CFAP299: variants seen among roughly 807,000 people sequenced by gnomAD.
CFAP299 encodes cilia- and flagella-associated protein 299.
In CFAP299, 21 loss-of-function variants were observed where a neutral mutation model predicts 27.0. That is an observed-to-expected ratio of 0.78 (90% confidence interval 0.55 to 1.12). The LOEUF is 1.12. Among genes scored for constraint, CFAP299 ranks in the 50% most tolerant of loss-of-function variants. The probability of loss-of-function intolerance (pLI) is 0.00; values close to 1 mark genes in which losing one functional copy is unlikely to be tolerated. For missense variants in CFAP299, 310 were observed against 276.6 expected (o/e 1.12, Z -0.86); for synonymous variants, 104 against 98.1 (o/e 1.06, Z -0.36).
At chr4:80,720,376 A>G (rs1480997546) in intron 3 of CFAP299, among the ~76,000 whole-genome samples, 1 of 152,212 alleles carries the variant, frequency 6.6e-6, no homozygotes, top group Non-Finnish European at 1.5e-5. Flanking sequence ...GTTTTACCTC[A>G]GCAATGGAGA....
chr4:80,387,871 G>T (rs568620628), intron 2 of CFAP299: 6 of 1,181,536 alleles, frequency 5.1e-6, no homozygotes, highest in Non-Finnish European at 7.6e-6. Flanking sequence ...CTTCAGCATT[G>T]GTGGAGAGTC....
At chr4:80,855,923 G>A (rs1269484926) in intron 3 of CFAP299, among the ~76,000 whole-genome samples, 1 of 151,870 alleles carries the variant, frequency 6.6e-6, no homozygotes, top group African/African-American at 2.4e-5. Flanking sequence ...TATATACCCA[G>A]TAATGGGATG....
At chr4:80,793,404 C>A (rs1727682450) in intron 3 of CFAP299, among the ~76,000 whole-genome samples, 1 of 152,030 alleles carries the variant, frequency 6.6e-6, no homozygotes, top group Non-Finnish European at 1.5e-5. Context: ...CTGCCTTTCC[C>A]AGCCCACTGA....
At chr4:80,496,361 G>A (rs1731439084) in intron 2 of CFAP299, among the ~76,000 whole-genome samples, 1 of 152,092 alleles carries the variant, frequency 6.6e-6, no homozygotes, top group African/African-American at 2.4e-5. Flanking sequence ...TTGTTCTTAG[G>A]TTCAAACTTC....
intron 3 of CFAP299, among the ~76,000 whole-genome samples, chr4:80,817,752 C>G (rs1249548075): frequency 6.6e-6 from 1 of 150,840 alleles, no homozygotes; most frequent in African/African-American, 2.4e-5. Flanking sequence ...TTCTCTTTAC[C>G]TTTTAGTTGT....
intron 2 of CFAP299, among the ~76,000 whole-genome samples, chr4:80,538,877 T>A (rs568791096): frequency 1.3e-5 from 2 of 152,312 alleles, no homozygotes; most frequent in East Asian, 3.9e-4. Context: ...GAATGCTACA[T>A]CTTCCCCAAC....
At chr4:80,869,299 A>G (rs1042685907) in intron 3 of CFAP299, among the ~76,000 whole-genome samples, 5 of 152,120 alleles carry the variant, frequency 3.3e-5, no homozygotes, top group Non-Finnish European at 5.9e-5. Flanking sequence ...CTCCTGCCAT[A>G]TCTGTAGGAT....
At position 80,583,086 on chromosome 4, in the gene CFAP299, T is replaced by C; in HGVS notation, c.243-7T>C. 1.3e-6 allele frequency: 2 copies of C among 1,589,014 alleles called. No homozygotes were observed. Among genetic ancestry groups the C allele is most frequent in the Non-Finnish European group, 1.7e-6 (2 of 1,163,894 alleles). On this transcript the variant is annotated splice_region_variant and splice_polypyrimidine_tract_variant and intron_variant, in intron 2 of 5. Transcript: ENST00000358105. ...ATATATTATAACTGAAGATCTGCCT[T>C]TTACAGGACGCTAACAAGTGCTGGT...
At chr4:80,756,112 C>T (rs544435994) in intron 3 of CFAP299, among the ~76,000 whole-genome samples, 6 of 152,170 alleles carry the variant, frequency 3.9e-5, no homozygotes, top group African/African-American at 1.4e-4. Context: ...TGGTGCCCAT[C>T]TTGAGTCACA....
chr4:80,386,312 G>T, intron 2 of CFAP299: 2 of 1,307,806 alleles, frequency 1.5e-6, no homozygotes, highest in Non-Finnish European at 1.1e-6. Flanking sequence ...CAGATTCTGT[G>T]CCCACCGCAC....
rs145008180 is a variant in CFAP299 at position 80,658,731 on chromosome 4, T to C, written c.333+75548T>C. On this transcript the variant is annotated intron_variant, in intron 3 of 5. Transcript: ENST00000358105. Reference sequence around the variant, plus strand: ...CAGATAGTAAGAATAGTGCTTATCATAACCATATCAATAGGGAAGTGTGAA... The same window carrying C: ...CAGATAGTAAGAATAGTGCTTATCACAACCATATCAATAGGGAAGTGTGAA... Among the ~76,000 whole-genome samples the C allele has an allele frequency of 5.0e-3, 768 of 152,226 alleles. 5 individuals are homozygous for C. The highest frequency in any genetic ancestry group is 0.02 in the Middle Eastern group (6 of 294).
chr4:80,523,166 A>G (rs1485095765), intron 2 of CFAP299, among the ~76,000 whole-genome samples: 3 of 152,064 alleles, frequency 2.0e-5, no homozygotes, highest in Admixed American at 6.6e-5. Flanking sequence ...TCTTTCAGCA[A>G]TATTTGTAGT....
intron 4 of CFAP299, chr4:80,870,457 C>G: frequency 9.9e-7 from 1 of 1,012,696 alleles, no homozygotes; most frequent in Non-Finnish European, 1.2e-6. Flanking sequence ...CCAGAAGCCT[C>G]AAGAACTGCT....
chr4:80,489,444 A>G (rs1021532839), intron 2 of CFAP299, among the ~76,000 whole-genome samples: 1 of 146,558 alleles, frequency 6.8e-6, no homozygotes, highest in Non-Finnish European at 1.5e-5. Context: ...TGAAGTTTCA[A>G]CTTTGGTTAG....
chr4:80,322,570 A>T, the CFAP299 span, among the ~76,000 whole-genome samples: 3 of 152,096 alleles, frequency 2.0e-5, no homozygotes, highest in Admixed American at 2.0e-4. Flanking sequence ...ATATAAACAG[A>T]TTACAAGAAA....
intron 4 of CFAP299, among the ~76,000 whole-genome samples, chr4:80,924,875 T>G (rs975550961): frequency 2.0e-5 from 3 of 151,798 alleles, no homozygotes; most frequent in African/African-American, 7.2e-5. Context: ...AAATCTTTTT[T>G]GGCTATTATT....
At chr4:80,611,874 T>A (rs1345467323) in intron 3 of CFAP299, among the ~76,000 whole-genome samples, 1 of 152,000 alleles carries the variant, frequency 6.6e-6, no homozygotes, top group Admixed American at 6.6e-5. Context: ...CACCATACAC[T>A]GTCCCAAGCA....
At position 80,531,944 on chromosome 4, in the gene CFAP299, G is replaced by T. The variant is rs181761879; in HGVS notation, c.243-51149G>T. Among the ~76,000 whole-genome samples the T allele has an allele frequency of 5.0e-3, 765 of 151,970 alleles. 4 individuals are homozygous for T. The highest frequency in any genetic ancestry group is 0.017 in the Middle Eastern group (5 of 294). ...AATTTTGTATTTTTTTAGTAGAGAC[G>T]GGGTTTCTCCATTGTCGGTCAGGCT... On this transcript the variant is annotated intron_variant, in intron 2 of 5. Transcript: ENST00000358105.
chr4:80,799,988 AAT>A (rs1374171572), intron 3 of CFAP299, among the ~76,000 whole-genome samples: 1 of 57,852 alleles, frequency 1.7e-5, no homozygotes, highest in Non-Finnish European at 2.9e-5. Flanking sequence ...TAATATATGT[AAT>A]ATATATTATG....
Sources: gnomAD v4.1 joint callset for allele counts (sites outside exome capture counted in the v4.1 genomes callset) on GRCh38, gnomAD v4.1.1 for gene constraint, MANE v1.5 for transcripts, NCBI Gene and HGNC (gene_info 2026-07-23, HGNC 2026-07-21) for gene names.